The following PTPRD variants were observed in gnomAD, a reference collection of about 807,000 sequenced individuals.
The protein encoded by PTPRD is receptor-type tyrosine-protein phosphatase delta.
PTPRD carries 34 observed loss-of-function variants against 214.5 expected under a neutral mutation model. The ratio of observed to expected loss-of-function variants is 0.16; its 90% confidence interval spans 0.12 to 0.21. The LOEUF is 0.21. PTPRD is among the 10% of genes least tolerant of loss of function. PTPRD has a pLI of 1.00. For missense variants in PTPRD, 2,545 were observed against 2,398.7 expected (o/e 1.06, Z -1.27); for synonymous variants, 1,128 against 845.7 (o/e 1.33, Z -5.79).
chr9:9,969,417 G>A lies in PTPRD; in HGVS notation c.-471-30807C>T, dbSNP rs1039449803. On this transcript the variant is annotated intron_variant, in intron 4 of 45. Transcript: ENST00000381196. ...AAAGGTTTTAATCAAGGAGATAGAGGGTACTGTAGTCAAATGTGACAGGAA... is the reference window on the plus strand; with the variant it reads ...AAAGGTTTTAATCAAGGAGATAGAGAGTACTGTAGTCAAATGTGACAGGAA... Among the ~76,000 whole-genome samples the A allele has an allele frequency of 3.3e-5, 5 of 151,988 alleles. No homozygotes were observed. In the East Asian group the frequency reaches 9.7e-4, roughly 29 times the overall value.
At chr9:10,531,292 T>C (rs2056222157) in intron 2 of PTPRD, among the ~76,000 whole-genome samples, 1 of 151,468 alleles carries the variant, frequency 6.6e-6, no homozygotes, top group Non-Finnish European at 1.5e-5. Context: ...ATACACAGAC[T>C]TAAAAGATCT....
chr9:9,374,776 T>G (rs2060357727), intron 9 of PTPRD, among the ~76,000 whole-genome samples: 1 of 152,178 alleles, frequency 6.6e-6, no homozygotes, highest in South Asian at 2.1e-4. Flanking sequence ...AGGGCCATCT[T>G]TGTCTTACAT....
At chr9:8,721,230 A>T (rs1310413537) in intron 12 of PTPRD, among the ~76,000 whole-genome samples, 2 of 151,916 alleles carry the variant, frequency 1.3e-5, no homozygotes, top group Non-Finnish European at 2.9e-5. Context: ...GGAGTTCGAG[A>T]CTAGCCTGCC....
At chr9:8,909,612 T>G (rs1411346346) in intron 11 of PTPRD, among the ~76,000 whole-genome samples, 2 of 152,034 alleles carry the variant, frequency 1.3e-5, no homozygotes, top group Non-Finnish European at 2.9e-5. Context: ...AAACAGGACA[T>G]CTACAAAAAT....
chr9:8,767,021 G>C (rs993396688), intron 11 of PTPRD, among the ~76,000 whole-genome samples: 3 of 152,102 alleles, frequency 2.0e-5, no homozygotes, highest in African/African-American at 7.2e-5. Flanking sequence ...CTGACCCTAA[G>C]CTTTAAGAAA....
intron 12 of PTPRD, among the ~76,000 whole-genome samples, chr9:8,648,760 C>T (rs1014568110): frequency 3.9e-5 from 6 of 152,166 alleles, no homozygotes; most frequent in Admixed American, 3.9e-4. Context: ...TTCATATTTC[C>T]TTTAAGTGGT....
chr9:9,810,789 C>T (rs2046901282), intron 5 of PTPRD, among the ~76,000 whole-genome samples: 1 of 151,746 alleles, frequency 6.6e-6, no homozygotes, highest in African/African-American at 2.4e-5. Flanking sequence ...TATTGTTAAA[C>T]AAATACATCT....
rs143030214 is a variant in PTPRD, at chr9:8,686,667, G to C, written c.64+47113C>G. On this transcript the variant is annotated intron_variant, in intron 12 of 45. Transcript: ENST00000381196. Reference sequence around the variant, plus strand: ...TCGGAACCAGAGTTATTTTGACTAAGAGGTCCAGAAACTTGGCTCTACCAA... The same window carrying C: ...TCGGAACCAGAGTTATTTTGACTAACAGGTCCAGAAACTTGGCTCTACCAA... 3.3e-5 allele frequency among the ~76,000 whole-genome samples: 5 copies of C among 152,226 alleles called. No individual in the cohort carries two copies. The East Asian group carries it at 7.7e-4, about 24-fold the overall frequency.
intron 3 of PTPRD, among the ~76,000 whole-genome samples, chr9:10,123,203 G>C (rs903393996): frequency 2.0e-5 from 3 of 152,240 alleles, no homozygotes; most frequent in Non-Finnish European, 2.9e-5. Flanking sequence ...GTGAATTGAA[G>C]CTACATAGGT....
intron 9 of PTPRD, among the ~76,000 whole-genome samples, chr9:9,237,878 T>G (rs1000664436): frequency 3.3e-5 from 5 of 152,156 alleles, no homozygotes; most frequent in Admixed American, 2.6e-4. Flanking sequence ...TTGACCTTTT[T>G]GAGAAACTTA....
chr9:10,163,560 A>G (rs1400492976), intron 3 of PTPRD, among the ~76,000 whole-genome samples: 2 of 151,438 alleles, frequency 1.3e-5, no homozygotes, highest in Non-Finnish European at 3.0e-5. Context: ...TTAATCTCAT[A>G]ATTCATTTCC....
At chr9:9,194,356 A>T (rs570990338) in intron 9 of PTPRD, among the ~76,000 whole-genome samples, 21 of 152,322 alleles carry the variant, frequency 1.4e-4, no homozygotes, top group Admixed American at 1.3e-3. Context: ...TACATAAACT[A>T]GTAACATAGT....
intron 10 of PTPRD, among the ~76,000 whole-genome samples, chr9:9,133,764 G>T (rs563805001): frequency 6.6e-6 from 1 of 152,260 alleles, no homozygotes; most frequent in Non-Finnish European, 1.5e-5. Flanking sequence ...TTTATCAGGA[G>T]AAACAGCACA....
At chr9:10,438,286 C>A (rs537986487) in intron 2 of PTPRD, among the ~76,000 whole-genome samples, 1 of 151,418 alleles carries the variant, frequency 6.6e-6, no homozygotes, top group Non-Finnish European at 1.5e-5. Context: ...CAAGGAGCAT[C>A]TGGAATTATA....
chr9:8,986,103 G>C (rs778109040), intron 11 of PTPRD, among the ~76,000 whole-genome samples: 1 of 152,024 alleles, frequency 6.6e-6, no homozygotes, highest in Non-Finnish European at 1.5e-5. Context: ...ATGGATTAGT[G>C]TGCAGTAATA....
intron 8 of PTPRD, among the ~76,000 whole-genome samples, chr9:9,549,416 T>C (rs2079635354): frequency 6.6e-6 from 1 of 152,012 alleles, no homozygotes; most frequent in African/African-American, 2.4e-5. Context: ...AATAAACTCA[T>C]AGAAAAGTGT....
Position 8,389,330 on chromosome 9 carries a change from C to G in PTPRD, c.4288G>C (p.Gly1430Arg), listed in dbSNP as rs1241211819. 1 of 1,612,832 alleles carries G rather than the reference C, an allele frequency of 6.2e-7. No individual in the cohort carries two copies. The highest frequency in any genetic ancestry group is 8.5e-7 in the Non-Finnish European group (1 of 1,179,252). Reference protein sequence around the residue: ...RKQNAYIATQGSLPETFGDFW... With the variant: ...RKQNAYIATQRSLPETFGDFW... ...TCCCCAAATGTTTCGGGGAGAGATC[C>G]CTGTGTTGCAATATAGGCATTTTGC... Residue 1430 changes from glycine (G) to arginine (R), a missense_variant, in exon 37 of 46, where the codon GGA (glycine) becomes CGA (arginine). By Grantham distance (125) the Gly-to-Arg change is moderately radical. Transcript: ENST00000381196.
intron 5 of PTPRD, among the ~76,000 whole-genome samples, chr9:9,877,850 G>C (rs147823383): frequency 0.031 from 4,645 of 151,792 alleles, 233 homozygotes; most frequent in African/African-American, 0.11. Flanking sequence ...GCCCATGCCT[G>C]TAATCCTGGC....
intron 34 of PTPRD, among the ~76,000 whole-genome samples, chr9:8,444,235 T>C (rs2095644316): frequency 6.6e-6 from 1 of 152,134 alleles, no homozygotes; most frequent in Non-Finnish European, 1.5e-5. Context: ...AGTTAATACA[T>C]TTTGATATCT....
Sources: allele counts gnomAD v4.1 joint callset (sites outside exome capture counted in the v4.1 genomes callset), GRCh38; gene constraint gnomAD v4.1.1; transcripts MANE v1.5; gene names NCBI Gene and HGNC (gene_info 2026-07-23, HGNC 2026-07-21).